The following GRAMD1B variants were observed in gnomAD, a reference collection of about 807,000 sequenced individuals.
GRAMD1B encodes the protein protein Aster-B.
A neutral mutation model predicts 99.7 loss-of-function variants in GRAMD1B; 37 were observed. The observed-to-expected ratio is 0.37, with a 90% CI of 0.29 to 0.49. The LOEUF (loss-of-function observed/expected upper bound fraction) is 0.49. Among genes scored for constraint, GRAMD1B ranks in the 20% least tolerant of loss-of-function variants. GRAMD1B has a pLI of 0.98. For synonymous variants in GRAMD1B, 427 were observed against 387.6 expected, an observed-to-expected ratio of 1.10 and a Z score of -1.19; for missense variants, 888 against 1,009.2, an observed-to-expected ratio of 0.88 and a Z score of 1.63.
intron 1 of GRAMD1B, among the ~76,000 whole-genome samples, chr11:123,413,367 C>G (rs1565482975): frequency 6.6e-6 from 1 of 152,148 alleles, no homozygotes; most frequent in Non-Finnish European, 1.5e-5. Context: ...TCTTTGACCT[C>G]TTTGTATTTC....
chr11:123,613,781 C>T (rs577566405), intron 16 of GRAMD1B, 123 bp downstream of exon 16: 19 of 682,236 alleles, frequency 2.8e-5, no homozygotes, highest in South Asian at 5.7e-5. Flanking sequence ...ATAATTTGAA[C>T]GTAAGTCACT....
chr11:123,491,730 A>G, intron 2 of GRAMD1B: 1 of 396,332 alleles, frequency 2.5e-6, no homozygotes, highest in Admixed American at 4.4e-5. Context: ...GCTTATGTGC[A>G]GGAGCCCACA....
At chr11:123,409,253 G>A (rs957166550) in intron 1 of GRAMD1B, among the ~76,000 whole-genome samples, 3 of 152,160 alleles carry the variant, frequency 2.0e-5, no homozygotes, top group African/African-American at 4.8e-5. Flanking sequence ...TGCGACTCAT[G>A]CAAATTGTAT....
At chr11:123,513,905 C>G (rs991735682) in intron 2 of GRAMD1B, among the ~76,000 whole-genome samples, 1 of 152,038 alleles carries the variant, frequency 6.6e-6, no homozygotes, top group African/African-American at 2.4e-5. Context: ...ATTCTGCCAC[C>G]TTGGCCTCCC....
intron 2 of GRAMD1B, among the ~76,000 whole-genome samples, chr11:123,511,855 TC>T (rs1318667981): frequency 6.6e-6 from 1 of 152,182 alleles, no homozygotes; most frequent in African/African-American, 2.4e-5. Flanking sequence ...GGTTTTCTGC[TC>T]CTCCCAGCCC....
intron 2 of GRAMD1B, among the ~76,000 whole-genome samples, chr11:123,542,403 G>A (rs1379556196): frequency 1.3e-5 from 2 of 152,228 alleles, no homozygotes; most frequent in African/African-American, 4.8e-5. Flanking sequence ...CGAATAGTCT[G>A]AGGGTTTTGA....
At chr11:123,592,562 G>A (rs1218847079) in intron 4 of GRAMD1B, among the ~76,000 whole-genome samples, 1 of 152,176 alleles carries the variant, frequency 6.6e-6, no homozygotes, top group Non-Finnish European at 1.5e-5. Flanking sequence ...ACTCACTGGC[G>A]ATCAGGTGGT....
intron 1 of GRAMD1B, among the ~76,000 whole-genome samples, chr11:123,406,474 G>A (rs537582409): frequency 1.1e-4 from 17 of 152,014 alleles, no homozygotes; most frequent in African/African-American, 9.6e-5. Flanking sequence ...GGCTGGTCTC[G>A]AACTCCTGAC....
intron 2 of GRAMD1B, among the ~76,000 whole-genome samples, chr11:123,528,060 G>A (rs377732563): frequency 5.3e-5 from 8 of 152,168 alleles, no homozygotes; most frequent in Non-Finnish European, 1.2e-4. Context: ...GTGACCCACT[G>A]TCTCATTAAG....
rs571316096 is a variant in GRAMD1B, at chr11:123,510,847, G to T, written c.452+29954G>T. On this transcript the variant is annotated intron_variant, in intron 2 of 19. Coordinates refer to ENST00000635736, the MANE Select transcript of GRAMD1B (RefSeq NM_001387025.1). The surrounding 1 kb of genome is among the most constrained non-coding windows in gnomAD (Gnocchi z 4.3). ...GTCAGAGTGGAGGGAAATGTTGTGA[G>T]CACCAAGACCTCAGGAGAGGCGAGG... 6.6e-6 allele frequency among the ~76,000 whole-genome samples: 1 copy of T among 152,280 alleles called. No individual in the cohort carries two copies. The highest frequency in any genetic ancestry group is 1.9e-4 in the East Asian group (1 of 5,150).
Position 123,512,702 on chromosome 11 carries a change from T to A in GRAMD1B, c.452+31809T>A, listed in dbSNP as rs1941150517. Among the ~76,000 whole-genome samples the A allele has an allele frequency of 2.3e-5, 3 of 129,380 alleles. No homozygotes were observed. In the South Asian group the frequency reaches 7.7e-4, roughly 33 times the overall value. 84.9% of individuals were successfully genotyped at this position (129,380 alleles called of 152,430 possible). On this transcript the variant is annotated intron_variant, in intron 2 of 19. Coordinates refer to ENST00000635736, the MANE Select transcript of GRAMD1B (RefSeq NM_001387025.1). ...TGTCATTTCAAAGCAGCATTGTGAA[T>A]CTTTTTTTTTTTTTTTTTTTTTTTA...
chr11:123,538,926 G>T (rs867099735), intron 2 of GRAMD1B, among the ~76,000 whole-genome samples: 3 of 151,104 alleles, frequency 2.0e-5, no homozygotes, highest in African/African-American at 7.3e-5. Context: ...ACCGCGCCCA[G>T]TTCTGGACTT....
intron 2 of GRAMD1B, among the ~76,000 whole-genome samples, chr11:123,529,918 C>CT (rs1943180525): frequency 6.6e-6 from 1 of 152,036 alleles, no homozygotes; most frequent in African/African-American, 2.4e-5. Context: ...GTAATGCCGT[C>CT]TCCAAAGAGC....
At chr11:123,618,375 C>T (rs1653817443) in intron 17 of GRAMD1B, 1 of 1,609,688 alleles carries the variant, frequency 6.2e-7, no homozygotes, top group Non-Finnish European at 8.5e-7. Flanking sequence ...TCTATGATTT[C>T]TCCTTTACCC....
chr11:123,598,242 G>C, intron 7 of GRAMD1B: 2 of 1,402,762 alleles, frequency 1.4e-6, no homozygotes, highest in Non-Finnish European at 2.0e-6. Context: ...AGTTGTAGTT[G>C]ATATTTAGGC....
chr11:123,442,546 G>T lies in GRAMD1B; in HGVS notation c.374+11380G>T, dbSNP rs549313118. ...GCACTTTGGGAGGCCAAGGTGGGAG[G>T]ATCACTTGAGGTCCAGAGTTCAAGA... On this transcript the variant is annotated intron_variant, in intron 1 of 19. Transcript: ENST00000635736. 3.3e-5 allele frequency among the ~76,000 whole-genome samples: 5 copies of T among 152,306 alleles called. No homozygotes were observed. The East Asian group carries it at 9.7e-4, about 29-fold the overall frequency.
At chr11:123,396,192 T>C (rs1356299198) in intron 1 of GRAMD1B, among the ~76,000 whole-genome samples, 1 of 150,842 alleles carries the variant, frequency 6.6e-6, no homozygotes. Flanking sequence ...TTTCTTTTCT[T>C]TTCTTTCCTT....
intron 5 of GRAMD1B, among the ~76,000 whole-genome samples, 170 bp from the exon 6 acceptor site, chr11:123,594,565 T>C (rs767579831): frequency 3.9e-5 from 6 of 152,178 alleles, no homozygotes; most frequent in Non-Finnish European, 8.8e-5. Context: ...CTCCTCATCA[T>C]GAGATGGTAG....
At chr11:123,588,669 C>T (rs1950307586) in intron 4 of GRAMD1B, among the ~76,000 whole-genome samples, 1 of 152,148 alleles carries the variant, frequency 6.6e-6, no homozygotes. Context: ...GAGAAGTTTG[C>T]ACGTGTGCTG....
Sources: gnomAD v4.1 joint callset for allele counts (sites outside exome capture counted in the v4.1 genomes callset) on GRCh38, gnomAD v4.1.1 for gene constraint, Gnocchi (gnomAD v3.1) non-coding constraint, MANE v1.5 for transcripts, NCBI Gene and HGNC (gene_info 2026-07-23, HGNC 2026-07-21) for gene names.